Variants in INPP5E observed in about 807,000 individuals in gnomAD.
INPP5E encodes the protein phosphatidylinositol polyphosphate 5-phosphatase type IV.
INPP5E carries 34 observed loss-of-function variants against 50.5 expected under a neutral mutation model. The ratio of observed to expected loss-of-function variants is 0.67; its 90% CI spans 0.51 to 0.90. The LOEUF is 0.90. Among genes scored for constraint, INPP5E ranks in the 40% least tolerant of loss-of-function variants. The pLI is 0.00. For missense variants in INPP5E, 942 were observed against 905.5 expected (o/e 1.04, Z -0.52); for synonymous variants, 447 against 406.0 (o/e 1.10, Z -1.21).
chr9:136,433,027 G>A lies in INPP5E; in HGVS notation c.1208C>T (p.Thr403Ile). Residue 403 changes from threonine to isoleucine, a missense_variant, in exon 5 of 10, where the codon ACC (threonine) becomes ATC (isoleucine). Thr to Ile is a moderately conservative substitution (Grantham distance 89, BLOSUM62 -1). Transcript: ENST00000371712. ...VTTRIVSQIK[T>I]KGALGISFTF... ...GAAGCTGATGCCCAAGGCCCCCTTG[G>A]TCTTGATCTGAGACACGATGCGTGT... The A allele has an allele frequency of 6.2e-7, 1 of 1,613,606 alleles. No homozygotes were observed. The highest frequency in any genetic ancestry group is 1.1e-5 in the South Asian group (1 of 91,084).
chr9:136,430,509 C>A, intron 8 of INPP5E, 96 bp from the exon 9 acceptor site: 1 of 1,439,656 alleles, frequency 6.9e-7, no homozygotes, highest in South Asian at 1.2e-5. Flanking sequence ...GCGCCCCCCA[C>A]AAGGAAGCCT....
At chr9:136,432,171 A>G (rs1281665834) in intron 6 of INPP5E, among the ~76,000 whole-genome samples, 186 bp from the exon 7 acceptor site, 1 of 152,114 alleles carries the variant, frequency 6.6e-6, no homozygotes, top group African/African-American at 2.4e-5. Context: ...CAGCCTCAGG[A>G]GCAGACGATG....
chr9:136,431,082 GGATGTCCGGCTCCTGGAAGCCCTTGAA>G lies in INPP5E; in HGVS notation c.1558_1584del (p.Phe520_Ile528del). On this transcript the variant is annotated inframe_deletion, in exon 8 of 10. Coordinates refer to ENST00000371712, the MANE Select transcript of INPP5E (RefSeq NM_019892.6). ...TCAAACTTGTATGATGGGAGGAAGT[GGATGTCCGGCTCCTGGAAGCCCTTGAA>G]GATGGACCCTGCCACAGGATGGGCA... is the stretch of plus-strand genomic sequence containing the variant. The G allele has an allele frequency of 1.2e-6, 2 of 1,613,208 alleles. No homozygotes were observed. The highest frequency in any genetic ancestry group is 1.7e-6 in the Non-Finnish European group (2 of 1,179,674).
In INPP5E at chr9:136,432,552, G is replaced by C; in HGVS notation, c.1314C>G (p.Asp438Glu). The C allele has an allele frequency of 6.4e-7, 1 of 1,550,600 alleles. No homozygotes were observed. The highest frequency in any genetic ancestry group is 1.2e-5 in the South Asian group (1 of 84,096). Residue 438 changes from aspartate to glutamate, a missense_variant, in exon 6 of 10, where the codon GAC becomes GAG. By Grantham distance (45) the Asp-to-Glu change is conservative. Transcript: ENST00000371712. ...GDGKVAERLL[D>E]YTRTVQALVL... is the part of the protein sequence containing the mutation. Reference sequence around the variant, plus strand: ...CCAGGGCTTGTACAGTCCTGGTGTAGTCCAGCAGCCGCTCCGCCACCTTCC... The same window carrying C: ...CCAGGGCTTGTACAGTCCTGGTGTACTCCAGCAGCCGCTCCGCCACCTTCC...
intron 1 of INPP5E, 149 bp downstream of exon 1, chr9:136,438,459 G>T: frequency 1.4e-6 from 1 of 725,402 alleles, no homozygotes; most frequent in Non-Finnish European, 2.4e-6. Context: ...GGGTGGGGCT[G>T]GGAGATGGGG....
In INPP5E at chr9:136,429,751, C is replaced by G; in HGVS notation, c.1859G>C (p.Arg620Thr). 5 of 1,613,846 alleles carry G rather than the reference C, an allele frequency of 3.1e-6. No individual in the cohort carries two copies. Among genetic ancestry groups the G allele is most frequent in the Non-Finnish European group, 4.2e-6 (5 of 1,179,976 alleles). ...DRELYLLGIK[R>T]RISKEIQRQQ... is the part of the protein sequence containing the mutation. ...CCTCTGAATCTCCTTCGAAATCCGT[C>G]TTTTAATTCCTAGTAAGTACAGTTC... The change falls in exon 10 of 10, where the codon AGA becomes ACA. Residue 620 changes from arginine to threonine, a missense_variant. Arg to Thr is a moderately conservative substitution (Grantham distance 71, BLOSUM62 -1). Transcript: ENST00000371712.
In INPP5E at chr9:136,438,790, G is replaced by A. The variant is rs765725453; in HGVS notation, c.630C>T (p.Asn210=). ...DIASDSLRTA[N]KVDSDLADYK... ...AGTCTGCAAGATCCGAGTCGACCTTGTTTGCTGTCCTCAGGGAGTCGGAGG... is the reference window on the plus strand; with the variant it reads ...AGTCTGCAAGATCCGAGTCGACCTTATTTGCTGTCCTCAGGGAGTCGGAGG... The change falls in exon 1 of 10, where the codon AAC becomes AAT. Residue 210 remains asparagine, a synonymous_variant. Transcript: ENST00000371712. 1 of 1,612,278 alleles carries A rather than the reference G, an allele frequency of 6.2e-7. No homozygotes were observed. The highest frequency in any genetic ancestry group is 1.1e-5 in the South Asian group (1 of 91,076).
In INPP5E at chr9:136,428,980, C is replaced by T. The variant is rs1489646203; in HGVS notation, c.*695G>A. 6.5e-6 allele frequency: 1 copy of T among 154,616 alleles called. No individual in the cohort carries two copies. Among genetic ancestry groups the T allele is most frequent in the East Asian group, 1.9e-4 (1 of 5,376 alleles). The allele number at this position is 154,616 out of a possible 1,614,324, so 9.6% of individuals were successfully genotyped here. A position where few individuals can be genotyped will look rare whatever the true frequency, so the allele number is the denominator to read the frequency against. ...TCACCAAGACCATGAGATGGTTTCA[C>T]ACAATAGGCTTGGCCTATGAGAGGA... On this transcript the variant is annotated 3_prime_UTR_variant, in exon 10 of 10. Transcript: ENST00000371712.
chr9:136,433,314 T>C, intron 3 of INPP5E, 35 bp from the exon 4 acceptor site: 1 of 1,554,168 alleles, frequency 6.4e-7, no homozygotes, highest in Admixed American at 1.8e-5. Flanking sequence ...CTGGGGGACA[T>C]GGCCTCCCAG....
Position 136,438,963 on chromosome 9 carries a change from T to A in INPP5E, c.457A>T (p.Ser153Cys), listed in dbSNP as rs1307767005. The change falls in exon 1 of 10, where the codon AGC (serine) becomes TGC (cysteine). Residue 153 changes from serine (S) to cysteine (C), a missense_variant. Physicochemically the swap from Ser to Cys is moderately radical, Grantham distance 112 (BLOSUM62 -1). Transcript: ENST00000371712. The stretch of plus-strand genomic sequence containing the variant: ...AGAGGGTTACCCCCCGAGGACGGGC[T>A]CCCTCTCTCACTGCTCAGGACCCCG... The part of the protein sequence containing the change: ...SRGVLSSERG[S>C]PSSGGNPLSG... The A allele has an allele frequency of 6.4e-7, 1 of 1,574,418 alleles. No individual in the cohort carries two copies. The highest frequency in any genetic ancestry group is 1.3e-5 in the African/African-American group (1 of 74,454).
rs576569302 is a variant in INPP5E at position 136,429,860 on chromosome 9, C to T, written c.1803-53G>A. 192 of 1,401,502 alleles carry T rather than the reference C, an allele frequency of 1.4e-4. No individual in the cohort carries two copies. The African/African-American group carries it at 2.0e-3, about 15-fold the overall frequency. 86.8% of individuals were successfully genotyped at this position (1,401,502 alleles called of 1,614,324 possible). On this transcript the variant is annotated intron_variant, in intron 9 of 9. Coordinates refer to ENST00000371712, the MANE Select transcript of INPP5E (RefSeq NM_019892.6). The stretch of plus-strand genomic sequence containing the variant: ...GGCACCCAGGGCCAGGAGGAGGGGG[C>T]GTTAGGAGGGGGCCGGCCCCGGAGG...
chr9:136,432,815 C>T, intron 5 of INPP5E, 141 bp downstream of exon 5: 4 of 1,198,948 alleles, frequency 3.3e-6, no homozygotes, highest in African/African-American at 1.5e-5. Context: ...TGGCGTGCAT[C>T]TTAGCAAGCG....
Position 136,439,762 on chromosome 9 carries a change from A to C in INPP5E, c.-343T>G. On this transcript the variant is annotated 5_prime_UTR_variant, in exon 1 of 10. Transcript: ENST00000371712. ...CGGGCACCCCTGGCTGGGCTCGCAG[A>C]CTCCGAAGTCGACCCGGTACTCGCG... is the stretch of plus-strand genomic sequence containing the variant. 4.9e-6 allele frequency: 1 copy of C among 202,320 alleles called. No homozygotes were observed. The allele number at this position is 202,320 out of a possible 1,614,324, so 12.5% of individuals were successfully genotyped here.
At position 136,432,593 on chromosome 9, in the gene INPP5E, G is replaced by A; in HGVS notation, c.1280-7C>T. The A allele has an allele frequency of 6.6e-7, 1 of 1,518,892 alleles. No homozygotes were observed. The allele number at this position is 1,518,892 out of a possible 1,614,324, so 94.1% of individuals were successfully genotyped here. On this transcript the variant is annotated splice_region_variant and splice_polypyrimidine_tract_variant and intron_variant, in intron 5 of 9. Transcript: ENST00000371712. ...GCCACCTTCCCGTCACCTGCTGTGG[G>A]AACAGAAATGGGGTAGGGACCACAG...
Position 136,431,990 on chromosome 9 carries a change from G to A in INPP5E, c.1388-5C>T, listed in dbSNP as rs187956407. 4.5e-5 allele frequency: 72 copies of A among 1,612,584 alleles called. 1 individual carries two copies. The highest frequency in any genetic ancestry group is 3.8e-4 in the East Asian group (17 of 44,814). ...CGAAGCGGGTGGTGACGTCCGCTGC[G>A]GCACAGTGGGCCATGTGTGGGCACA... On this transcript the variant is annotated splice_region_variant and splice_polypyrimidine_tract_variant and intron_variant, in intron 6 of 9. Coordinates refer to ENST00000371712, the MANE Select transcript of INPP5E (RefSeq NM_019892.6).
intron 5 of INPP5E, 128 bp from the exon 6 acceptor site, chr9:136,432,714 G>A: frequency 1.1e-6 from 1 of 889,272 alleles, no homozygotes; most frequent in Non-Finnish European, 1.8e-6. Flanking sequence ...GGCATCCGCT[G>A]CCGGGCCCAG....
In INPP5E at chr9:136,429,508, G is replaced by A. The variant is rs549388093; in HGVS notation, c.*167C>T. ...CCACACCGTGTGGACCTGCCACAGA[G>A]GACAGGCTCGCTCAGGGTTGGCTTC... On this transcript the variant is annotated 3_prime_UTR_variant, in exon 10 of 10. Coordinates refer to ENST00000371712, the MANE Select transcript of INPP5E (RefSeq NM_019892.6). 4 of 883,340 alleles carry A rather than the reference G, an allele frequency of 4.5e-6. No homozygotes were observed. In the African/African-American group the frequency reaches 6.5e-5, roughly 14 times the overall value. The allele number at this position is 883,340 out of a possible 1,614,324, so 54.7% of individuals were successfully genotyped here.
At chr9:136,431,261 G>A (rs1835694324) in intron 7 of INPP5E, 144 bp from the exon 8 acceptor site, 1 of 353,976 alleles carries the variant, frequency 2.8e-6, no homozygotes, top group Non-Finnish European at 5.3e-6. Context: ...CTCCCGCCAC[G>A]CCCGCCCCCC....
chr9:136,434,349 C>T (rs538965254), intron 2 of INPP5E, among the ~76,000 whole-genome samples: 12 of 152,194 alleles, frequency 7.9e-5, no homozygotes, highest in Non-Finnish European at 1.5e-4. Flanking sequence ...TCTCCAAGCA[C>T]GAGTCTGTCC....
Sources: gnomAD v4.1 joint callset for allele counts (sites outside exome capture counted in the v4.1 genomes callset) on GRCh38, gnomAD v4.1.1 for gene constraint, MANE v1.5 for transcripts, NCBI Gene and HGNC (gene_info 2026-07-23, HGNC 2026-07-21) for gene names.